The following LRP1B variants were observed in gnomAD, a reference collection of about 807,000 sequenced individuals.
LRP1B encodes the protein low-density lipoprotein receptor-related protein 1B.
Under a neutral mutation model 556.6 loss-of-function variants are expected in LRP1B, and 217 were observed. That is an observed-to-expected ratio of 0.39 (90% confidence interval 0.35 to 0.44). The LOEUF is 0.44. LRP1B is among the 20% of genes least tolerant of loss of function. The probability of loss-of-function intolerance (pLI) is 1.00; values close to 1 mark genes in which losing one functional copy is unlikely to be tolerated. For synonymous variants in LRP1B, 2,047 were observed against 1,865.8 expected, an observed-to-expected ratio of 1.10 and a Z score of -2.50; for missense variants, 5,053 against 5,620.8, an observed-to-expected ratio of 0.90 and a Z score of 3.23.
intron 3 of LRP1B, among the ~76,000 whole-genome samples, chr2:141,405,171 T>C (rs1319110842): frequency 6.6e-6 from 1 of 152,208 alleles, no homozygotes; most frequent in African/African-American, 2.4e-5. Flanking sequence ...ACCATATTTA[T>C]TATAAAGCCA....
intron 43 of LRP1B, among the ~76,000 whole-genome samples, chr2:140,579,951 T>A (rs1417869534): frequency 6.6e-6 from 1 of 152,224 alleles, no homozygotes; most frequent in African/African-American, 2.4e-5. Context: ...GGAAATAGGA[T>A]GGCTGACCGT....
intron 1 of LRP1B, among the ~76,000 whole-genome samples, chr2:142,016,356 C>T (rs1703129671): frequency 6.6e-6 from 1 of 152,122 alleles, no homozygotes; most frequent in East Asian, 1.9e-4. Flanking sequence ...ATAAATCATT[C>T]TACTATAAAG....
chr2:140,390,784 A>ACG (rs1396731747), intron 66 of LRP1B, among the ~76,000 whole-genome samples: 2 of 151,664 alleles, frequency 1.3e-5, no homozygotes, highest in Non-Finnish European at 2.9e-5. Flanking sequence ...ACACACACAC[A>ACG]CACACACACA....
intron 3 of LRP1B, among the ~76,000 whole-genome samples, chr2:141,359,478 C>T (rs1688742016): frequency 6.6e-6 from 1 of 152,066 alleles, no homozygotes; most frequent in East Asian, 1.9e-4. Context: ...CATAACTTGG[C>T]CGGGAGTGGT....
At chr2:140,601,375 C>A in intron 42 of LRP1B, 75 bp downstream of exon 42, 4 of 1,173,798 alleles carry the variant, frequency 3.4e-6, no homozygotes, top group South Asian at 2.6e-5. Context: ...AAAGTTAATT[C>A]TTAAAATTAA....
intron 7 of LRP1B, among the ~76,000 whole-genome samples, chr2:141,161,272 G>A (rs964361154): frequency 2.0e-5 from 3 of 152,012 alleles, no homozygotes; most frequent in Non-Finnish European, 2.9e-5. Context: ...TATACAGAAG[G>A]CTCATTTTCC....
intron 6 of LRP1B, among the ~76,000 whole-genome samples, chr2:141,221,288 T>TTA (rs1352398401): frequency 4.6e-4 from 60 of 131,184 alleles, no homozygotes; most frequent in African/African-American, 1.7e-3. Context: ...CCAACAAAGA[T>TTA]AAAAAAAAAA....
rs1420154617 is a variant in LRP1B, at chr2:140,739,353, G to A, written c.5759-22537C>T. ...TAACTGGCTGAAGAATATGAACCCT[G>A]CAAAGAGTCAAAAAAAAAAAAAATG... On this transcript the variant is annotated intron_variant, in intron 35 of 90. Transcript: ENST00000389484. Among the ~76,000 whole-genome samples, 2 of 58,636 alleles carry A rather than the reference G, an allele frequency of 3.4e-5. 1 individual carries two copies. Among genetic ancestry groups the A allele is most frequent in the African/African-American group, 9.3e-5 (2 of 21,614 alleles). The allele number at this position is 58,636 out of a possible 152,430, so 38.5% of individuals were successfully genotyped here. A position where few individuals can be genotyped will look rare whatever the true frequency, so the allele number is the denominator to read the frequency against.
intron 1 of LRP1B, among the ~76,000 whole-genome samples, chr2:141,848,978 G>T (rs529558530): frequency 3.3e-5 from 5 of 151,660 alleles, no homozygotes; most frequent in African/African-American, 1.2e-4. Flanking sequence ...GATAAATTCT[G>T]TGTGTCCAAG....
intron 66 of LRP1B, among the ~76,000 whole-genome samples, chr2:140,424,712 T>C (rs1685584348): frequency 6.6e-6 from 1 of 152,186 alleles, no homozygotes; most frequent in Admixed American, 6.5e-5. Flanking sequence ...TGGTAAGCTG[T>C]GGATCACACA....
At chr2:140,537,278 C>T (rs1347280864) in intron 45 of LRP1B, among the ~76,000 whole-genome samples, 1 of 149,820 alleles carries the variant, frequency 6.7e-6, no homozygotes, top group East Asian at 2.0e-4. Flanking sequence ...GAACTCTGTA[C>T]ATACTGAAAG....
At position 141,027,692 on chromosome 2, in the gene LRP1B, G is replaced by A. The variant is rs142365380; in HGVS notation, c.1790-7590C>T. On this transcript the variant is annotated intron_variant, in intron 11 of 90. Coordinates refer to ENST00000389484, the MANE Select transcript of LRP1B (RefSeq NM_018557.3). ...AAGATGTTAGAAAAAGCTGTGTGAG[G>A]GCGCAATGGACTAAATGTTTGTGTC... Among the ~76,000 whole-genome samples, 12 of 152,186 alleles carry A rather than the reference G, an allele frequency of 7.9e-5. No individual in the cohort carries two copies. In the East Asian group the frequency reaches 2.1e-3, roughly 27 times the overall value.
chr2:141,020,189 CT>C, intron 11 of LRP1B, 87 bp from the exon 12 acceptor site: 1 of 861,666 alleles, frequency 1.2e-6, no homozygotes, highest in Non-Finnish European at 1.6e-6. Context: ...CTAATAAAAA[CT>C]TTAGTTCAAA....
chr2:141,200,996 ATT>A (rs1681990848), intron 6 of LRP1B, among the ~76,000 whole-genome samples: 1 of 152,204 alleles, frequency 6.6e-6, no homozygotes, highest in African/African-American at 2.4e-5. Context: ...CAGCTGCAAT[ATT>A]TTCTTTGCTT....
rs763179654 is a variant in LRP1B, at chr2:140,526,343, G to C, written c.7770C>G (p.Thr2590=). The C allele has an allele frequency of 6.2e-7, 1 of 1,607,680 alleles. No individual in the cohort carries two copies. The highest frequency in any genetic ancestry group is 8.5e-7 in the Non-Finnish European group (1 of 1,175,040). ...CACAGCGGAACTCAACCGTGGCACA[G>C]GTTGAAACTAGAAAAACAGGTACAT... ...NSDELDCKVS[T]CATVEFRCAD... is the part of the protein sequence containing the mutation. Residue 2590 remains threonine, a synonymous_variant, in exon 48 of 91, where the codon ACC becomes ACG. Transcript: ENST00000389484.
At chr2:140,992,909 A>G (rs1697134443) in intron 16 of LRP1B, among the ~76,000 whole-genome samples, 1 of 152,030 alleles carries the variant, frequency 6.6e-6, no homozygotes, top group Non-Finnish European at 1.5e-5. Context: ...CAGGGCCTGA[A>G]TTTGGAAATC....
In LRP1B at chr2:141,120,418, G is replaced by T. The variant is rs370580915; in HGVS notation, c.1014-58145C>A. On this transcript the variant is annotated intron_variant, in intron 7 of 90. Transcript: ENST00000389484. ...CTGGGTTTACTCCTCTCTAAAATGG[G>T]TATCATTATGTTGAAGAATACAAAA... 1.6e-4 allele frequency among the ~76,000 whole-genome samples: 25 copies of T among 151,798 alleles called. No homozygotes were observed. In the East Asian group the frequency reaches 4.3e-3, roughly 26 times the overall value.
chr2:141,151,939 T>C (rs1240907564), intron 7 of LRP1B, among the ~76,000 whole-genome samples: 1 of 151,996 alleles, frequency 6.6e-6, no homozygotes, highest in African/African-American at 2.4e-5. Context: ...CTGACACAAA[T>C]ATAAGAAAAA....
chr2:140,287,749 G>T (rs1193492916), intron 84 of LRP1B, among the ~76,000 whole-genome samples: 1 of 151,230 alleles, frequency 6.6e-6, no homozygotes. Flanking sequence ...TGTACTTAAG[G>T]TGTATCTGAT....
Sources: allele counts gnomAD v4.1 joint callset (sites outside exome capture counted in the v4.1 genomes callset), GRCh38; gene constraint gnomAD v4.1.1; transcripts MANE v1.5; gene names NCBI Gene and HGNC (gene_info 2026-07-23, HGNC 2026-07-21).